MTREX: variants seen among roughly 807,000 people sequenced by gnomAD.
The protein encoded by MTREX is Mtr4 exosome RNA helicase.
In MTREX, 76 loss-of-function variants were observed where a neutral mutation model predicts 135.4. That is an observed-to-expected ratio of 0.56 (90% CI 0.47 to 0.68). The LOEUF is 0.68. MTREX is among the 30% of genes least tolerant of loss of function. The probability of loss-of-function intolerance (pLI) is 0.00; values close to 1 mark genes in which losing one functional copy is unlikely to be tolerated. For synonymous variants in MTREX, 404 were observed against 401.6 expected, an observed-to-expected ratio of 1.01 and a Z score of -0.07; for missense variants, 920 against 1,262.1, an observed-to-expected ratio of 0.73 and a Z score of 4.11.
intron 15 of MTREX, among the ~76,000 whole-genome samples, chr5:55,365,684 A>G (rs948011947): frequency 2.6e-5 from 4 of 152,178 alleles, no homozygotes; most frequent in Non-Finnish European, 4.4e-5. Context: ...CATACTTCTG[A>G]AGCATTTTTA....
intron 5 of MTREX, among the ~76,000 whole-genome samples, chr5:55,337,375 G>T (rs937608346): frequency 1.3e-5 from 2 of 152,170 alleles, no homozygotes; most frequent in South Asian, 4.1e-4. Context: ...GAACTTCTGG[G>T]CTCAAGCAGT....
chr5:55,325,916 T>C (rs1749370395), intron 3 of MTREX, among the ~76,000 whole-genome samples: 2 of 152,308 alleles, frequency 1.3e-5, no homozygotes, highest in Admixed American at 1.3e-4. Flanking sequence ...GATGATGGCC[T>C]CCAGCTGCAT....
Position 55,405,498 on chromosome 5 carries a change from A to G in MTREX, c.2555A>G (p.Lys852Arg). ...ARTVLQMDEL[K>R]CRKRVLRRLG... ...ACAGTCCTACAAATGGATGAACTCA[A>G]ATGTCGCAAACGTGTTTTAAGAAGG... The change falls in exon 22 of 27, where the codon AAA becomes AGA. Residue 852 changes from lysine to arginine, a missense_variant. By Grantham distance (26) the Lys-to-Arg change is conservative. Transcript: ENST00000230640. 6.2e-7 allele frequency: 1 copy of G among 1,614,056 alleles called. No homozygotes were observed. Among genetic ancestry groups the G allele is most frequent in the East Asian group, 2.2e-5 (1 of 44,858 alleles).
intron 5 of MTREX, among the ~76,000 whole-genome samples, chr5:55,331,812 T>C (rs1268643663): frequency 1.3e-5 from 2 of 152,204 alleles, no homozygotes; most frequent in African/African-American, 4.8e-5. Context: ...GGCAGTAATT[T>C]TGGATTACCT....
chr5:55,380,256 C>G (rs537632552), intron 18 of MTREX, among the ~76,000 whole-genome samples: 1 of 152,136 alleles, frequency 6.6e-6, no homozygotes, highest in South Asian at 2.1e-4. Context: ...TTTTTTTAAA[C>G]AGTTCTATGG....
chr5:55,374,867 T>C (rs1375201241), intron 16 of MTREX, among the ~76,000 whole-genome samples: 1 of 152,148 alleles, frequency 6.6e-6, no homozygotes. Flanking sequence ...AATATTTACA[T>C]AGGTTCTTTT....
At chr5:55,339,815 G>C (rs1490187197) in intron 5 of MTREX, among the ~76,000 whole-genome samples, 195 bp from the exon 6 acceptor site, 1 of 152,092 alleles carries the variant, frequency 6.6e-6, no homozygotes, top group Non-Finnish European at 1.5e-5. Flanking sequence ...AGTGACCGGA[G>C]TTAAAATGAT....
chr5:55,388,034 G>A lies in MTREX; in HGVS notation c.2113G>A (p.Glu705Lys). Residue 705 changes from glutamate (E) to lysine (K), a missense_variant, in exon 19 of 27, where the codon GAG becomes AAG. Glu to Lys is a moderately conservative substitution (Grantham distance 56). Coordinates refer to ENST00000230640, the MANE Select transcript of MTREX (RefSeq NM_015360.5). ...AGAAGTACTTCTGCGCTGTAGCAAA[G>A]AGAGCTTGAAAAATTCAGCTACAGA... ...VVEVLLRCSK[E>K]SLKNSATEAA... is the part of the protein sequence containing the mutation. 2 of 1,609,470 alleles carry A rather than the reference G, an allele frequency of 1.2e-6. No individual in the cohort carries two copies. Among genetic ancestry groups the A allele is most frequent in the Non-Finnish European group, 1.7e-6 (2 of 1,176,758 alleles).
intron 25 of MTREX, among the ~76,000 whole-genome samples, chr5:55,421,956 C>T (rs773852646): frequency 6.6e-6 from 1 of 152,122 alleles, no homozygotes; most frequent in Non-Finnish European, 1.5e-5. Context: ...GTTGGATTTC[C>T]TGTTTCATTG....
intron 1 of MTREX, among the ~76,000 whole-genome samples, chr5:55,309,174 T>G (rs764520969): frequency 2.6e-5 from 4 of 152,160 alleles, no homozygotes; most frequent in Non-Finnish European, 4.4e-5. Context: ...TTTAGGAGCA[T>G]AAATTGAGCA....
intron 18 of MTREX, among the ~76,000 whole-genome samples, chr5:55,382,998 A>G (rs1316423724): frequency 6.6e-6 from 1 of 152,170 alleles, no homozygotes; most frequent in East Asian, 1.9e-4. Context: ...AGCTTTTGTT[A>G]TATTAACCTT....
chr5:55,416,966 A>G (rs1750975642), intron 25 of MTREX, among the ~76,000 whole-genome samples: 1 of 152,214 alleles, frequency 6.6e-6, no homozygotes, highest in East Asian at 1.9e-4. Flanking sequence ...GTAATAGATT[A>G]CTGATTTTAT....
At chr5:55,391,829 C>G (rs1288633007) in intron 19 of MTREX, among the ~76,000 whole-genome samples, 1 of 152,182 alleles carries the variant, frequency 6.6e-6, no homozygotes, top group Non-Finnish European at 1.5e-5. Flanking sequence ...TATATAACCT[C>G]CATATATTGA....
intron 16 of MTREX, among the ~76,000 whole-genome samples, chr5:55,371,165 C>G (rs6864502): frequency 6.6e-6 from 1 of 151,900 alleles, no homozygotes; most frequent in Non-Finnish European, 1.5e-5. Context: ...ACCTGAGCCT[C>G]AGTTTGTTTA....
chr5:55,316,516 G>A (rs775361124), intron 1 of MTREX, among the ~76,000 whole-genome samples: 9 of 152,108 alleles, frequency 5.9e-5, no homozygotes, highest in Non-Finnish European at 1.3e-4. Flanking sequence ...CACATGAACA[G>A]AACTAAAGAC....
At chr5:55,397,319 A>G (rs932481176) in intron 19 of MTREX, 97 bp from the exon 20 acceptor site, 2 of 659,222 alleles carry the variant, frequency 3.0e-6, no homozygotes, top group Admixed American at 4.9e-5. Context: ...TACATACCAT[A>G]AATGCAACTT....
chr5:55,340,101 T>C lies in MTREX; in HGVS notation c.607T>C (p.Tyr203His). 1 of 1,604,546 alleles carries C rather than the reference T, an allele frequency of 6.2e-7. No homozygotes were observed. The highest frequency in any genetic ancestry group is 1.1e-5 in the South Asian group (1 of 89,592). Residue 203 changes from tyrosine to histidine, a missense_variant, in exon 6 of 27, where the codon TAT (tyrosine) becomes CAT (histidine). Around this residue, in one of 6 missense-constraint regions of MTREX, gnomAD observed 88 missense variants for 202.5 expected, o/e 0.43. Transcript: ENST00000230640. ...GAGTAACCAAAAATACCGTGAAATGTATGAAGAATTTCAAGATGTTGGTTT... is the reference window on the plus strand; with the variant it reads ...GAGTAACCAAAAATACCGTGAAATGCATGAAGAATTTCAAGATGTTGGTTT... ...ALSNQKYREM[Y>H]EEFQDVGLMT... is the part of the protein sequence containing the mutation.
At chr5:55,372,565 C>A (rs1395057857) in intron 16 of MTREX, among the ~76,000 whole-genome samples, 1 of 152,122 alleles carries the variant, frequency 6.6e-6, no homozygotes, top group Non-Finnish European at 1.5e-5. Context: ...AACTGAAGCA[C>A]ACTGGTTACA....
rs571197771 is a variant in MTREX, at chr5:55,425,531, T to A, written c.*759T>A. The A allele has an allele frequency of 3.5e-4, 180 of 514,932 alleles. No individual in the cohort carries two copies. Among genetic ancestry groups the A allele is most frequent in the Non-Finnish European group, 4.8e-4 (149 of 310,844 alleles). 31.9% of individuals were successfully genotyped at this position (514,932 alleles called of 1,614,324 possible). On this transcript the variant is annotated 3_prime_UTR_variant, in exon 27 of 27. Coordinates refer to ENST00000230640, the MANE Select transcript of MTREX (RefSeq NM_015360.5). ...AATTAAGAGTTGCTTTGTTATGCCT[T>A]CAGCAAATAGCTTCATTTTGCCAAT...
Sources: allele counts gnomAD v4.1 joint callset (sites outside exome capture counted in the v4.1 genomes callset), GRCh38; gene constraint gnomAD v4.1.1; regional missense constraint gnomAD v4.1.1; transcripts MANE v1.5; gene names NCBI Gene and HGNC (gene_info 2026-07-23, HGNC 2026-07-21).